The following CYRIA variants were observed in gnomAD, a reference collection of about 807,000 sequenced individuals.
CYRIA encodes CYFIP related Rac1 interactor A, also known as CYFIP-related Rac1 interactor A.
In CYRIA, 15 loss-of-function variants were observed where a neutral mutation model predicts 43.9. That is an observed-to-expected ratio of 0.34 (90% confidence interval 0.23 to 0.53). CYRIA has a LOEUF of 0.53. CYRIA is among the 20% of genes least tolerant of loss of function. CYRIA has a pLI of 0.94. For missense variants in CYRIA, 236 were observed against 394.2 expected (o/e 0.60, Z 3.40); for synonymous variants, 117 against 136.0 (o/e 0.86, Z 0.97).
At chr2:16,615,376 T>A (rs1186619277) in intron 2 of CYRIA, among the ~76,000 whole-genome samples, 2 of 152,240 alleles carry the variant, frequency 1.3e-5, no homozygotes, top group African/African-American at 4.8e-5. Flanking sequence ...ACTGGTTTAG[T>A]ATGCATTTGG....
chr2:16,664,889 T>G (rs1670348841), intron 1 of CYRIA, among the ~76,000 whole-genome samples: 1 of 152,176 alleles, frequency 6.6e-6, no homozygotes, highest in Non-Finnish European at 1.5e-5. Context: ...CATCAGGCCC[T>G]GGACACAGAA....
At chr2:16,614,917 C>T (rs1032215897) in intron 2 of CYRIA, among the ~76,000 whole-genome samples, 9 of 152,164 alleles carry the variant, frequency 5.9e-5, no homozygotes, top group African/African-American at 1.7e-4. Context: ...AAGGAAACTG[C>T]GGCACAGCAA....
Position 16,593,718 on chromosome 2 carries a change from G to GT in CYRIA, c.-10-5590dup, listed in dbSNP as rs572181896. 5.4e-4 allele frequency among the ~76,000 whole-genome samples: 46 copies of GT among 85,824 alleles called. 2 individuals carry two copies. The highest frequency in any genetic ancestry group is 2.7e-3 in the East Asian group (10 of 3,730). 56.3% of individuals were successfully genotyped at this position (85,824 alleles called of 152,430 possible). A position where few individuals can be genotyped will look rare whatever the true frequency, so the allele number is the denominator to read the frequency against. On this transcript the variant is annotated intron_variant, in intron 2 of 11. Coordinates refer to ENST00000381323, the MANE Select transcript of CYRIA (RefSeq NM_030797.4). Reference sequence around the variant, plus strand: ...TGTGTGTTTTTTTTTGTGTGTGTGTGTTTTTTTTTTTTTTTTTTTTATTAT... The same window carrying GT: ...TGTGTGTTTTTTTTTGTGTGTGTGTGTTTTTTTTTTTTTTTTTTTTTATTAT...
chr2:16,590,898 C>A (rs940724940), intron 2 of CYRIA, among the ~76,000 whole-genome samples: 1 of 152,098 alleles, frequency 6.6e-6, no homozygotes, highest in African/African-American at 2.4e-5. Context: ...GATAAGAATT[C>A]ATGGGAGTGT....
intron 5 of CYRIA, among the ~76,000 whole-genome samples, chr2:16,563,775 C>A (rs1666831646): frequency 6.6e-6 from 1 of 152,104 alleles, no homozygotes; most frequent in Admixed American, 6.5e-5. Context: ...CTAGTAGAGA[C>A]ACACTAAATG....
intron 2 of CYRIA, among the ~76,000 whole-genome samples, chr2:16,602,901 T>G (rs1452755972): frequency 2.6e-5 from 4 of 152,082 alleles, no homozygotes; most frequent in Non-Finnish European, 4.4e-5. Flanking sequence ...TTTTTTTTTT[T>G]GCACACTTTC....
chr2:16,604,500 G>C (rs1157768803), intron 2 of CYRIA, among the ~76,000 whole-genome samples: 1 of 152,192 alleles, frequency 6.6e-6, no homozygotes, highest in Non-Finnish European at 1.5e-5. Flanking sequence ...CTTTCTCCTG[G>C]TCACCACAGA....
intron 2 of CYRIA, among the ~76,000 whole-genome samples, chr2:16,598,216 T>G (rs1211132212): frequency 2.3e-5 from 1 of 43,796 alleles, no homozygotes; most frequent in Non-Finnish European, 3.7e-5. Flanking sequence ...TGTCTTGGAG[T>G]TGCTCTTCTC....
chr2:16,607,802 G>A (rs1197288423), intron 2 of CYRIA, among the ~76,000 whole-genome samples: 1 of 152,094 alleles, frequency 6.6e-6, no homozygotes, highest in East Asian at 1.9e-4. Context: ...TCACCATCTT[G>A]GTCAGGCTGG....
intron 1 of CYRIA, among the ~76,000 whole-genome samples, chr2:16,647,407 T>C (rs1045689695): frequency 2.0e-5 from 3 of 152,226 alleles, no homozygotes; most frequent in African/African-American, 7.2e-5. Flanking sequence ...GGTTTTGCCA[T>C]GTGTGAGCCA....
intron 3 of CYRIA, among the ~76,000 whole-genome samples, chr2:16,580,903 T>C (rs910059220): frequency 2.1e-4 from 32 of 152,170 alleles, no homozygotes; most frequent in African/African-American, 7.7e-4. Context: ...TTATGGACTA[T>C]GAAAAAATAA....
At chr2:16,646,124 T>C (rs1350372167) in intron 1 of CYRIA, among the ~76,000 whole-genome samples, 1 of 152,198 alleles carries the variant, frequency 6.6e-6, no homozygotes, top group African/African-American at 2.4e-5. Flanking sequence ...TGGGCCTCAG[T>C]ATTCCCACCT....
At chr2:16,663,121 A>G (rs1670306165) in intron 1 of CYRIA, among the ~76,000 whole-genome samples, 1 of 152,248 alleles carries the variant, frequency 6.6e-6, no homozygotes, top group Non-Finnish European at 1.5e-5. Flanking sequence ...ACAGTGGTCC[A>G]GGGCTGTCTT....
In CYRIA at chr2:16,549,921, A is replaced by AAT. The variant is rs1327763225; in HGVS notation, c.*3013_*3014dup. On this transcript the variant is annotated 3_prime_UTR_variant, in exon 12 of 12. Coordinates refer to ENST00000381323, the MANE Select transcript of CYRIA (RefSeq NM_030797.4). ...TGATGTTAACTAGTAGTTAAAAGGT[A>AAT]ATATCCAAACTTTCTTTCTGGTTGT... The AAT allele has an allele frequency of 6.6e-6, 1 of 152,018 alleles. No homozygotes were observed. The highest frequency in any genetic ancestry group is 1.5e-5 in the Non-Finnish European group (1 of 67,990). The allele number at this position is 152,018 out of a possible 1,614,324, so 9.4% of individuals were successfully genotyped here.
chr2:16,600,501 T>C (rs1333965947), intron 2 of CYRIA, among the ~76,000 whole-genome samples: 3 of 152,178 alleles, frequency 2.0e-5, no homozygotes, highest in African/African-American at 4.8e-5. Context: ...AGAGAAGACA[T>C]GGCTTCCGCA....
At chr2:16,643,123 C>A (rs998094101) in intron 1 of CYRIA, among the ~76,000 whole-genome samples, 1 of 151,432 alleles carries the variant, frequency 6.6e-6, no homozygotes, top group Non-Finnish European at 1.5e-5. Context: ...GTTACTTTAA[C>A]ATTATTAAAG....
chr2:16,625,360 G>GGACA (rs1382653156), intron 1 of CYRIA, among the ~76,000 whole-genome samples: 1 of 151,284 alleles, frequency 6.6e-6, no homozygotes, highest in East Asian at 1.9e-4. Context: ...AGACAACAAG[G>GGACA]GACATGCCAG....
At chr2:16,570,442 C>T (rs553901132) in intron 3 of CYRIA, among the ~76,000 whole-genome samples, 66 of 152,302 alleles carry the variant, frequency 4.3e-4, no homozygotes, top group African/African-American at 1.5e-3. Flanking sequence ...AAAAACTGCA[C>T]TTAGGTTTAC....
intron 1 of CYRIA, among the ~76,000 whole-genome samples, chr2:16,632,051 C>T (rs569185171): frequency 3.3e-4 from 51 of 152,342 alleles, no homozygotes; most frequent in African/African-American, 1.1e-3. Context: ...ACAAGGGACA[C>T]TGTCAGGTGG....
Sources: allele counts gnomAD v4.1 joint callset (sites outside exome capture counted in the v4.1 genomes callset), GRCh38; gene constraint gnomAD v4.1.1; transcripts MANE v1.5; gene names NCBI Gene and HGNC (gene_info 2026-07-23, HGNC 2026-07-21).